The following JAML variants were observed in gnomAD, a reference collection of about 807,000 sequenced individuals.
JAML encodes junctional adhesion molecule-like.
Under a neutral mutation model 39.3 loss-of-function variants are expected in JAML, and 25 were observed. That is an observed-to-expected ratio of 0.64 (90% CI 0.46 to 0.89). The LOEUF (loss-of-function observed/expected upper bound fraction) is 0.89. Ranked by LOEUF, JAML falls within the 40% of genes least tolerant of loss-of-function variation. JAML has a pLI of 0.00. For missense variants in JAML, 440 were observed against 486.9 expected (o/e 0.90, Z 0.91); for synonymous variants, 162 against 179.2 (o/e 0.90, Z 0.77).
intron 1 of JAML, among the ~76,000 whole-genome samples, chr11:118,224,378 C>A (rs966009526): frequency 9.9e-5 from 15 of 152,084 alleles, no homozygotes; most frequent in African/African-American, 3.4e-4. Context: ...AAGTCTCGGG[C>A]TTCTAAAGGT....
In JAML at chr11:118,210,483, G is replaced by T. The variant is rs527412820; in HGVS notation, c.424+4C>A. On this transcript the variant is annotated splice_donor_region_variant and intron_variant, in intron 4 of 9. Coordinates refer to ENST00000356289, the MANE Select transcript of JAML (RefSeq NM_001098526.2). Reference sequence around the variant, plus strand: ...GGCCCCTCTTTAAGTAAGCATTTGCGTACCTTTGGGCTCCTCTGGAAGCAC... The same window carrying T: ...GGCCCCTCTTTAAGTAAGCATTTGCTTACCTTTGGGCTCCTCTGGAAGCAC... 1.2e-6 allele frequency: 2 copies of T among 1,613,464 alleles called. No homozygotes were observed. The highest frequency in any genetic ancestry group is 1.7e-6 in the Non-Finnish European group (2 of 1,179,844).
intron 2 of JAML, 73 bp downstream of exon 2, chr11:118,214,749 TAA>T: frequency 6.8e-7 from 1 of 1,461,990 alleles, no homozygotes. Context: ...CGAAAATATG[TAA>T]AATTGGCTTT....
chr11:118,209,421 T>G (rs969847307), intron 4 of JAML, among the ~76,000 whole-genome samples: 3 of 152,214 alleles, frequency 2.0e-5, no homozygotes, highest in African/African-American at 7.2e-5. Context: ...CTTTGGAGCT[T>G]AAGGTTCTAC....
chr11:118,202,701 G>T (rs774384434), intron 6 of JAML: 2 of 322,014 alleles, frequency 6.2e-6, no homozygotes, highest in Admixed American at 4.0e-5. Context: ...CACAGACTTA[G>T]GTCTCTGGCC....
At chr11:118,213,170 G>C in intron 2 of JAML, 2 of 1,395,540 alleles carry the variant, frequency 1.4e-6, no homozygotes, top group Non-Finnish European at 1.9e-6. Context: ...CCAGCCTCTA[G>C]GTGCTTCACA....
At chr11:118,197,683 A>G in intron 8 of JAML, 1 of 259,854 alleles carries the variant, frequency 3.8e-6, no homozygotes, top group Non-Finnish European at 7.4e-6. Flanking sequence ...AGGCTGGGCA[A>G]CTATAGTATC....
At chr11:118,214,160 A>ACC (rs1949109946) in intron 2 of JAML, among the ~76,000 whole-genome samples, 1 of 152,204 alleles carries the variant, frequency 6.6e-6, no homozygotes, top group Admixed American at 6.5e-5. Flanking sequence ...AGAAAAAGGC[A>ACC]TGGGGGAAAA....
In JAML at chr11:118,196,702, A is replaced by G. The variant is rs749019316; in HGVS notation, c.1092+33T>C. On this transcript the variant is annotated intron_variant, in intron 9 of 9. Coordinates refer to ENST00000356289, the MANE Select transcript of JAML (RefSeq NM_001098526.2). ...CACCACCACCACCTGAGCCTCTGACACCTGGCTCAGCTGAGGCCAGAATCA... is the reference window on the plus strand; with the variant it reads ...CACCACCACCACCTGAGCCTCTGACGCCTGGCTCAGCTGAGGCCAGAATCA... 8 of 1,568,692 alleles carry G rather than the reference A, an allele frequency of 5.1e-6. No homozygotes were observed. In the Admixed American group the frequency reaches 1.0e-4, roughly 20 times the overall value.
chr11:118,198,330 T>G (rs1948703483), intron 7 of JAML, among the ~76,000 whole-genome samples: 1 of 152,208 alleles, frequency 6.6e-6, no homozygotes, highest in South Asian at 2.1e-4. Flanking sequence ...CTTCAACTTC[T>G]CTATTATCAC....
chr11:118,217,491 G>A (rs1265434521), intron 1 of JAML, among the ~76,000 whole-genome samples: 1 of 152,216 alleles, frequency 6.6e-6, no homozygotes, highest in African/African-American at 2.4e-5. Flanking sequence ...AATGATTTTA[G>A]CGGAAAAATT....
chr11:118,194,797 C>G (rs1444873642), intron 9 of JAML, among the ~76,000 whole-genome samples: 2 of 152,214 alleles, frequency 1.3e-5, no homozygotes, highest in East Asian at 3.8e-4. Context: ...AACAAAGGCT[C>G]TTTGTTACCC....
intron 4 of JAML, among the ~76,000 whole-genome samples, chr11:118,207,379 C>A (rs1386332992): frequency 6.6e-6 from 1 of 152,080 alleles, no homozygotes; most frequent in Non-Finnish European, 1.5e-5. Context: ...TGCCACATGG[C>A]CAGGAAAGGT....
rs1245805967 is a variant in JAML, at chr11:118,200,495, T to C, written c.890A>G (p.Lys297Arg). Residue 297 changes from lysine to arginine, a missense_variant, in exon 7 of 10, where the codon AAG becomes AGG. Coordinates refer to ENST00000356289, the MANE Select transcript of JAML (RefSeq NM_001098526.2). ...LLLPVLILIV[K>R]KTCGNKSSVN... ...GTACCTCTTATTTCCACAGGTCTTC[T>C]TCACGATCAATATCAGAACAGGGAG... The C allele has an allele frequency of 3.1e-6, 5 of 1,614,120 alleles. No homozygotes were observed. The African/African-American group carries it at 5.3e-5, about 17-fold the overall frequency.
intron 2 of JAML, 116 bp from the exon 3 acceptor site, chr11:118,212,677 AAAGTCC>A: frequency 6.6e-7 from 1 of 1,511,730 alleles, no homozygotes. Flanking sequence ...CAACATAGAC[AAAGTCC>A]TCGGAGGCAT....
intron 1 of JAML, among the ~76,000 whole-genome samples, chr11:118,219,443 C>A (rs1418995598): frequency 6.6e-6 from 1 of 152,168 alleles, no homozygotes; most frequent in Non-Finnish European, 1.5e-5. Flanking sequence ...CAATGAACAA[C>A]TGTTCTGAGA....
At chr11:118,224,039 T>C (rs1211491774) in intron 1 of JAML, 2 of 152,224 alleles carry the variant, frequency 1.3e-5, no homozygotes, top group African/African-American at 2.4e-5. Flanking sequence ...TCTCAATCTA[T>C]CTGCACACTG....
chr11:118,210,829 A>G, intron 3 of JAML, 117 bp from the exon 4 acceptor site: 1 of 803,630 alleles, frequency 1.2e-6, no homozygotes. Flanking sequence ...ATGATCCAAA[A>G]GCATTTGGTA....
chr11:118,196,675 A>G, intron 9 of JAML, 60 bp downstream of exon 9: 1 of 1,251,660 alleles, frequency 8.0e-7, no homozygotes, highest in Non-Finnish European at 1.1e-6. Flanking sequence ...AGCCACGCCC[A>G]CCACCACCAC....
intron 1 of JAML, among the ~76,000 whole-genome samples, chr11:118,221,990 A>G (rs1949215025): frequency 6.6e-6 from 1 of 152,226 alleles, no homozygotes; most frequent in South Asian, 2.1e-4. Context: ...AGCCAGAAAT[A>G]TTGGCCATTT....
Sources: gnomAD v4.1 joint callset for allele counts (sites outside exome capture counted in the v4.1 genomes callset) on GRCh38, gnomAD v4.1.1 for gene constraint, MANE v1.5 for transcripts, NCBI Gene and HGNC (gene_info 2026-07-23, HGNC 2026-07-21) for gene names.